ARHGAP42: variants seen among roughly 807,000 people sequenced by gnomAD.
ARHGAP42 encodes Rho GTPase activating protein 42.
Under a neutral mutation model 125.0 loss-of-function variants are expected in ARHGAP42, and 63 were observed. The observed-to-expected ratio is 0.50, with a 90% CI of 0.41 to 0.62. The LOEUF (loss-of-function observed/expected upper bound fraction) is 0.62, where lower values mean the gene tolerates loss of function less well. Among genes scored for constraint, ARHGAP42 ranks in the 20% least tolerant of loss-of-function variants. The pLI, the probability that ARHGAP42 is intolerant of heterozygous loss-of-function variation, is 0.00. For synonymous variants in ARHGAP42, 339 were observed against 351.0 expected, an observed-to-expected ratio of 0.97 and a Z score of 0.38; for missense variants, 766 against 1,024.2, an observed-to-expected ratio of 0.75 and a Z score of 3.44.
intron 1 of ARHGAP42, among the ~76,000 whole-genome samples, chr11:100,757,175 A>C (rs1253477463): frequency 1.3e-5 from 2 of 152,328 alleles, no homozygotes; most frequent in Non-Finnish European, 1.5e-5. Flanking sequence ...AAATGATATG[A>C]AAATGAAATT....
chr11:100,714,389 T>TTG (rs10609660), intron 1 of ARHGAP42, among the ~76,000 whole-genome samples: 9,309 of 149,702 alleles, frequency 0.062, 290 homozygotes, highest in South Asian at 0.082. Flanking sequence ...ACATAAAAAT[T>TTG]TGTGTGTGTG....
intron 3 of ARHGAP42, among the ~76,000 whole-genome samples, chr11:100,820,054 A>G (rs34143236): frequency 0.013 from 2,033 of 152,266 alleles, 39 homozygotes; most frequent in African/African-American, 0.039. Context: ...GCTCGGAGGC[A>G]GTAAATATGA....
At chr11:100,816,521 AGATAT>A (rs202118722) in intron 3 of ARHGAP42, among the ~76,000 whole-genome samples, 4,917 of 152,324 alleles carry the variant, frequency 0.032, 103 homozygotes, top group Non-Finnish European at 0.047. Flanking sequence ...GTGATAGGGC[AGATAT>A]TGTCAAAACA....
intron 9 of ARHGAP42, among the ~76,000 whole-genome samples, chr11:100,943,309 G>C (rs1381049908): frequency 6.6e-6 from 1 of 151,798 alleles, no homozygotes; most frequent in African/African-American, 2.4e-5. Context: ...ATCATTTAAG[G>C]CTCTAATACA....
intron 8 of ARHGAP42, among the ~76,000 whole-genome samples, chr11:100,939,288 C>T (rs1867815435): frequency 6.6e-6 from 1 of 151,902 alleles, no homozygotes; most frequent in African/African-American, 2.4e-5. Flanking sequence ...AAACCCATGT[C>T]ATAATGATAT....
intron 4 of ARHGAP42, among the ~76,000 whole-genome samples, chr11:100,886,775 T>C (rs981114088): frequency 1.3e-5 from 2 of 152,208 alleles, no homozygotes; most frequent in Non-Finnish European, 2.9e-5. Flanking sequence ...GTTTGCAAGA[T>C]TCCAATAGCC....
intron 1 of ARHGAP42, among the ~76,000 whole-genome samples, chr11:100,760,663 T>A (rs1862679875): frequency 1.3e-5 from 2 of 151,670 alleles, no homozygotes; most frequent in Admixed American, 1.3e-4. Context: ...ATTGCGCCAC[T>A]GCACCCCAGC....
intron 10 of ARHGAP42, among the ~76,000 whole-genome samples, chr11:100,945,177 T>A (rs889112472): frequency 6.6e-6 from 1 of 152,108 alleles, no homozygotes; most frequent in Admixed American, 6.6e-5. Flanking sequence ...AAGCAACTAG[T>A]CCTTTCAAGT....
chr11:100,920,864 A>G (rs1347342177), intron 5 of ARHGAP42, among the ~76,000 whole-genome samples: 2 of 152,034 alleles, frequency 1.3e-5, no homozygotes, highest in African/African-American at 4.8e-5. Flanking sequence ...CTAAGATCTT[A>G]CCTAATGAGG....
intron 21 of ARHGAP42, among the ~76,000 whole-genome samples, chr11:100,978,559 C>T (rs892480575): frequency 1.3e-5 from 2 of 150,492 alleles, no homozygotes; most frequent in East Asian, 4.2e-4. Context: ...AAAAATACAT[C>T]AATAGTATTA....
Position 100,961,838 on chromosome 11 carries a change from A to T in ARHGAP42, c.1385+70A>T, listed in dbSNP as rs139908576. On this transcript the variant is annotated intron_variant, in intron 15 of 23. Coordinates refer to ENST00000298815, the MANE Select transcript of ARHGAP42 (RefSeq NM_152432.4). ...TCACCCCTTGAGTAGTAACCACGTG[A>T]TTTCTTGGAGCCTGTGTCCAGAAGC... 8.7e-4 allele frequency: 1,130 copies of T among 1,297,490 alleles called. 7 individuals carry two copies. The African/African-American group carries it at 0.015, about 17-fold the overall frequency. 80.4% of individuals were successfully genotyped at this position (1,297,490 alleles called of 1,614,324 possible).
chr11:100,903,728 ATATATATATATATATATATATATATATG>A (rs1287557652), intron 4 of ARHGAP42, among the ~76,000 whole-genome samples: 1 of 95,082 alleles, frequency 1.1e-5, no homozygotes, highest in Non-Finnish European at 2.2e-5. Context: ...ATATATATAT[ATATATATATATATATATATATATATATG>A]TATGTAAAGG....
intron 3 of ARHGAP42, among the ~76,000 whole-genome samples, chr11:100,795,781 G>A (rs1863695758): frequency 6.6e-6 from 1 of 152,208 alleles, no homozygotes; most frequent in Non-Finnish European, 1.5e-5. Flanking sequence ...GTCCTCATCT[G>A]TAATATGGGA....
intron 8 of ARHGAP42, among the ~76,000 whole-genome samples, chr11:100,937,034 C>T (rs1867756099): frequency 6.6e-6 from 1 of 152,188 alleles, no homozygotes; most frequent in South Asian, 2.1e-4. Flanking sequence ...GAGTTTCCAG[C>T]CCATCGTGGA....
rs1466122345 is a variant in ARHGAP42 at position 100,978,992 on chromosome 11, C to T, written c.2399C>T (p.Ala800Val). The T allele has an allele frequency of 2.6e-6, 4 of 1,551,286 alleles. No homozygotes were observed. The African/African-American group carries it at 5.5e-5, about 21-fold the overall frequency. ...CATTTTAAATCATTTTTCAGAGTGG[C>T]AGCAAAAGCTCAACTGTTTGAAAAT... The part of the protein sequence containing the change: ...NGYQRPGSVV[A>V]AKAQLFENVG... The change falls in exon 22 of 24, where the codon GCA becomes GTA. Residue 800 changes from alanine (A) to valine (V), a missense_variant. Ala to Val is a moderately conservative substitution (Grantham distance 64, BLOSUM62 0). Transcript: ENST00000298815.
intron 6 of ARHGAP42, among the ~76,000 whole-genome samples, chr11:100,930,868 G>A (rs886784852): frequency 2.0e-5 from 3 of 152,098 alleles, no homozygotes; most frequent in South Asian, 4.1e-4. Context: ...TCCATGAAGC[G>A]CACCCAGCAT....
chr11:100,737,029 G>C (rs1459221432), intron 1 of ARHGAP42, among the ~76,000 whole-genome samples: 1 of 151,844 alleles, frequency 6.6e-6, no homozygotes, highest in Non-Finnish European at 1.5e-5. Flanking sequence ...CCTGTGAAAA[G>C]AAGGAAAAAA....
chr11:100,709,052 T>C (rs530052843), intron 1 of ARHGAP42, among the ~76,000 whole-genome samples: 52 of 151,912 alleles, frequency 3.4e-4, no homozygotes, highest in African/African-American at 1.1e-3. Context: ...CTCTTTTTGT[T>C]TTTTTGAGAT....
chr11:100,808,053 C>G (rs1864041203), intron 3 of ARHGAP42, among the ~76,000 whole-genome samples: 2 of 97,896 alleles, frequency 2.0e-5, no homozygotes, highest in Admixed American at 1.3e-4. Flanking sequence ...GTGAGGCACT[C>G]AATTTTAAAG....
Sources: allele counts gnomAD v4.1 joint callset (sites outside exome capture counted in the v4.1 genomes callset), GRCh38; gene constraint gnomAD v4.1.1; transcripts MANE v1.5; gene names NCBI Gene and HGNC (gene_info 2026-07-23, HGNC 2026-07-21).